SEPTIN8: variants seen among roughly 807,000 people sequenced by gnomAD.
The protein encoded by SEPTIN8 is septin 8.
SEPTIN8 carries 22 observed loss-of-function variants against 53.1 expected under a neutral mutation model. That is an observed-to-expected ratio of 0.41 (90% CI 0.30 to 0.59). The LOEUF (loss-of-function observed/expected upper bound fraction) is 0.59. SEPTIN8 is among the 20% of genes least tolerant of loss of function. SEPTIN8 has a pLI of 0.24. For synonymous variants in SEPTIN8, 228 were observed against 248.4 expected, an observed-to-expected ratio of 0.92 and a Z score of 0.77; for missense variants, 536 against 638.7, an observed-to-expected ratio of 0.84 and a Z score of 1.73.
chr5:132,771,801 G>A (rs1309172377), intron 1 of SEPTIN8, among the ~76,000 whole-genome samples: 1 of 151,572 alleles, frequency 6.6e-6, no homozygotes, highest in Non-Finnish European at 1.5e-5. Flanking sequence ...GAAAGGCTTC[G>A]GCTCTGGTCC....
rs560757045 is a variant in SEPTIN8, at chr5:132,751,930, G to A, written c.*86C>T. The A allele has an allele frequency of 4.2e-5, 66 of 1,569,516 alleles. No homozygotes were observed. Among genetic ancestry groups the A allele is most frequent in the Admixed American group, 3.1e-4 (17 of 54,084 alleles). On this transcript the variant is annotated 3_prime_UTR_variant, in exon 10 of 10. Coordinates refer to ENST00000378719, the MANE Select transcript of SEPTIN8 (RefSeq NM_001098811.2). ...ATCATTGATATAGGAAAAGTATGGC[G>A]TTTTCTGTTCTAACATTAAAAACCA...
intron 1 of SEPTIN8, among the ~76,000 whole-genome samples, chr5:132,765,820 G>C (rs1218494529): frequency 6.6e-6 from 1 of 152,190 alleles, no homozygotes; most frequent in Non-Finnish European, 1.5e-5. Flanking sequence ...GGCATAGGTG[G>C]CCCCAGGGGC....
intron 1 of SEPTIN8, among the ~76,000 whole-genome samples, chr5:132,768,279 C>G (rs939225785): frequency 6.6e-6 from 1 of 151,934 alleles, no homozygotes; most frequent in Non-Finnish European, 1.5e-5. Flanking sequence ...TTAGGAGCCC[C>G]GGGGACCAGT....
intron 1 of SEPTIN8, among the ~76,000 whole-genome samples, chr5:132,766,376 C>T (rs894077295): frequency 7.9e-5 from 12 of 152,160 alleles, no homozygotes; most frequent in African/African-American, 2.7e-4. Flanking sequence ...GCGGCAGGCC[C>T]CGAGTGAGCT....
chr5:132,777,097 G>C lies in SEPTIN8; in HGVS notation c.30+11C>G. ...CCTCCCGCGCGCGCCGTGGCCCAGC[G>C]GGGCCCTCACCGAGAAGCGCTCCAG... is the stretch of plus-strand genomic sequence containing the variant. On this transcript the variant is annotated intron_variant, in intron 1 of 9. Transcript: ENST00000378719. This position sits in a 1 kb window ranked among gnomAD's most constrained non-coding sequence, Gnocchi z 4.1. The C allele has an allele frequency of 8.6e-7, 1 of 1,165,970 alleles. No homozygotes were observed. Among genetic ancestry groups the C allele is most frequent in the South Asian group, 4.2e-5 (1 of 23,758 alleles). 72.2% of individuals were successfully genotyped at this position (1,165,970 alleles called of 1,614,324 possible). A position where few individuals can be genotyped will look rare whatever the true frequency, so the allele number is the denominator to read the frequency against.
At position 132,768,318 on chromosome 5, in the gene SEPTIN8, G is replaced by GCA. The variant is rs369211956; in HGVS notation, c.31-2791_31-2790dup. Among the ~76,000 whole-genome samples the GCA allele has an allele frequency of 9.5e-4, 143 of 150,586 alleles. 1 individual carries two copies. Among genetic ancestry groups the GCA allele is most frequent in the African/African-American group, 3.1e-3 (127 of 40,996 alleles). Reference sequence around the variant, plus strand: ...GGGTATGAGTCTATGGAGCATGCATGCACACACACACGTACACACACAGAA... The same window carrying GCA: ...GGGTATGAGTCTATGGAGCATGCATGCACACACACACACGTACACACACAGAA... On this transcript the variant is annotated intron_variant, in intron 1 of 9. Transcript: ENST00000378719.
chr5:132,755,959 C>CCT, intron 9 of SEPTIN8: 1 of 983,114 alleles, frequency 1.0e-6, no homozygotes, highest in South Asian at 4.7e-5. Flanking sequence ...GCTCAGGAAA[C>CCT]GTTAAATCAG....
At chr5:132,757,983 A>G in intron 9 of SEPTIN8, 1 of 986,622 alleles carries the variant, frequency 1.0e-6, no homozygotes, top group Non-Finnish European at 1.2e-6. Context: ...TTGGAGTCAA[A>G]CACTTAACAC....
In SEPTIN8 at chr5:132,761,021, G is replaced by A. The variant is rs775022300; in HGVS notation, c.1096-29C>T. 81 of 1,585,742 alleles carry A rather than the reference G, an allele frequency of 5.1e-5. No individual in the cohort carries two copies. The highest frequency in any genetic ancestry group is 6.1e-5 in the Non-Finnish European group (71 of 1,165,312). ...GCATCAGAAAGGGGGCAGAAGATGC[G>A]GGGAGCAAGAGGAGGGCTTGAGCCT... On this transcript the variant is annotated intron_variant, in intron 8 of 9. Transcript: ENST00000378719. The surrounding 1 kb of genome is among the most constrained non-coding windows in gnomAD (Gnocchi z 5.8).
chr5:132,778,449 C>T (rs1245986259), upstream of SEPTIN8, among the ~76,000 whole-genome samples: 1 of 152,242 alleles, frequency 6.6e-6, no homozygotes, highest in African/African-American at 2.4e-5. Context: ...CCTCCTCACT[C>T]TCCCAGGCAA....
chr5:132,777,000 C>T lies in SEPTIN8; in HGVS notation c.30+108G>A. 1.5e-6 allele frequency: 1 copy of T among 685,952 alleles called. No individual in the cohort carries two copies. Among genetic ancestry groups the T allele is most frequent in the Non-Finnish European group, 1.9e-6 (1 of 521,552 alleles). 42.5% of individuals were successfully genotyped at this position (685,952 alleles called of 1,614,324 possible). A position where few individuals can be genotyped will look rare whatever the true frequency, so the allele number is the denominator to read the frequency against. ...CCTCGAGCTGGCCCGGTGTCGAGGC[C>T]CGGCCGTGAGGCGCTGACAGCCCGC... On this transcript the variant is annotated intron_variant, in intron 1 of 9. Transcript: ENST00000378719. The surrounding 1 kb of genome is among the most constrained non-coding windows in gnomAD (Gnocchi z 4.4).
chr5:132,777,352 C>A (rs1170788138), upstream of SEPTIN8: 16 of 1,044,464 alleles, frequency 1.5e-5, no homozygotes, highest in Admixed American at 5.6e-5. The surrounding 1 kb of genome is among the most constrained non-coding windows in gnomAD (Gnocchi z 4.1). Flanking sequence ...GGCCCGGCCA[C>A]GAGCGCAGCC....
upstream of SEPTIN8, among the ~76,000 whole-genome samples, chr5:132,779,022 A>C (rs1757987128): frequency 6.6e-6 from 1 of 152,178 alleles, no homozygotes; most frequent in East Asian, 1.9e-4. Flanking sequence ...ATTTCAAAAC[A>C]TGTACTTCTT....
Position 132,753,097 on chromosome 5 carries a change from A to AT in SEPTIN8, c.1287-917_1287-916insA. On this transcript the variant is annotated intron_variant, in intron 9 of 9. Coordinates refer to ENST00000378719, the MANE Select transcript of SEPTIN8 (RefSeq NM_001098811.2). ...AGGTGGCTCTGGAAGAGCAACTGAG[A>AT]AAAAGTTCCCAACTGAGCCCTTGGA... The AT allele has an allele frequency of 5.3e-6, 4 of 749,330 alleles. No homozygotes were observed. The South Asian group carries it at 6.9e-5, about 13-fold the overall frequency. The allele number at this position is 749,330 out of a possible 1,614,324, so 46.4% of individuals were successfully genotyped here. A position where few individuals can be genotyped will look rare whatever the true frequency, so the allele number is the denominator to read the frequency against.
rs544420153 is a variant in SEPTIN8 at position 132,760,707 on chromosome 5, C to A, written c.1286+95G>T. On this transcript the variant is annotated intron_variant, in intron 9 of 9. Transcript: ENST00000378719. This position sits in a 1 kb window ranked among gnomAD's most constrained non-coding sequence, Gnocchi z 5.2. Reference sequence around the variant, plus strand: ...CAAACAGGAAAGGGGTAAGAGAGGGCGAGCAGGAGAGCGAGAAGGGAGGTG... The same window carrying A: ...CAAACAGGAAAGGGGTAAGAGAGGGAGAGCAGGAGAGCGAGAAGGGAGGTG... The A allele has an allele frequency of 6.6e-4, 786 of 1,186,660 alleles. 1 individual carries two copies. Among genetic ancestry groups the A allele is most frequent in the Non-Finnish European group, 8.8e-4 (736 of 837,000 alleles). 73.5% of individuals were successfully genotyped at this position (1,186,660 alleles called of 1,614,324 possible). A position where few individuals can be genotyped will look rare whatever the true frequency, so the allele number is the denominator to read the frequency against.
intron 1 of SEPTIN8, among the ~76,000 whole-genome samples, chr5:132,767,985 A>ACACACACG (rs1491417775): frequency 2.7e-5 from 4 of 149,822 alleles, no homozygotes. Flanking sequence ...ACACACACAC[A>ACACACACG]CGCAGCCGCA....
chr5:132,774,894 G>A (rs978781973), intron 1 of SEPTIN8, among the ~76,000 whole-genome samples: 2 of 152,162 alleles, frequency 1.3e-5, no homozygotes, highest in Non-Finnish European at 1.5e-5. Flanking sequence ...TTTACAGCAA[G>A]ATAAAGGCAG....
At chr5:132,762,341 C>A (rs1275857470) in intron 5 of SEPTIN8, 143 bp downstream of exon 5, 4 of 785,674 alleles carry the variant, frequency 5.1e-6, no homozygotes, top group African/African-American at 1.7e-5. Flanking sequence ...GTAGGACTGG[C>A]CAGCTCCAGA....
chr5:132,768,675 G>T (rs1198784878), intron 1 of SEPTIN8, among the ~76,000 whole-genome samples: 1 of 152,218 alleles, frequency 6.6e-6, no homozygotes, highest in Admixed American at 6.5e-5. Context: ...AACTCCCAGG[G>T]TGGGAGCCCA....
Sources: allele counts gnomAD v4.1 joint callset (sites outside exome capture counted in the v4.1 genomes callset), GRCh38; gene constraint gnomAD v4.1.1; non-coding constraint Gnocchi (gnomAD v3.1); transcripts MANE v1.5; gene names NCBI Gene and HGNC (gene_info 2026-07-23, HGNC 2026-07-21).